Variants in SMARCC1 observed in about 807,000 individuals in gnomAD.
SMARCC1 encodes SWI/SNF related BAF chromatin remodeling complex subunit C1.
Under a neutral mutation model 147.4 loss-of-function variants are expected in SMARCC1, and 43 were observed. The observed-to-expected ratio is 0.29, with a 90% CI of 0.23 to 0.38. The LOEUF (loss-of-function observed/expected upper bound fraction) is 0.38. Ranked by LOEUF, SMARCC1 falls within the 10% of genes least tolerant of loss-of-function variation. The probability of loss-of-function intolerance (pLI) is 1.00; values close to 1 mark genes in which losing one functional copy is unlikely to be tolerated. For synonymous variants in SMARCC1, 495 were observed against 484.4 expected, an observed-to-expected ratio of 1.02 and a Z score of -0.29; for missense variants, 1,119 against 1,381.1, an observed-to-expected ratio of 0.81 and a Z score of 3.01.
intron 24 of SMARCC1, among the ~76,000 whole-genome samples, chr3:47,628,050 T>C (rs554495759): frequency 2.0e-5 from 3 of 149,682 alleles, no homozygotes; most frequent in Admixed American, 6.6e-5. Context: ...GTCTCCTATA[T>C]ATATATATAT....
chr3:47,737,898 G>A (rs1464400086), intron 4 of SMARCC1, 131 bp downstream of exon 4: 15 of 414,512 alleles, frequency 3.6e-5, no homozygotes, highest in East Asian at 9.9e-5. Flanking sequence ...TCCTGACCTC[G>A]TGATCCGCCT....
chr3:47,726,608 C>T (rs182352323), intron 6 of SMARCC1, among the ~76,000 whole-genome samples: 5 of 152,328 alleles, frequency 3.3e-5, no homozygotes, highest in Admixed American at 1.3e-4. Flanking sequence ...TAAAACCCTA[C>T]ACCCAATGAA....
chr3:47,716,278 C>T (rs928183129), intron 7 of SMARCC1, among the ~76,000 whole-genome samples: 2 of 151,398 alleles, frequency 1.3e-5, no homozygotes, highest in African/African-American at 2.4e-5. Context: ...ATTAGCGGGG[C>T]GTTGTAGTGT....
chr3:47,724,517 C>T (rs1288451012), intron 6 of SMARCC1, among the ~76,000 whole-genome samples: 1 of 152,168 alleles, frequency 6.6e-6, no homozygotes, highest in Non-Finnish European at 1.5e-5. Flanking sequence ...CCAAGGATGG[C>T]TTTGAATGTA....
intron 18 of SMARCC1, among the ~76,000 whole-genome samples, chr3:47,673,641 A>G (rs895783532): frequency 1.3e-5 from 2 of 152,214 alleles, no homozygotes; most frequent in Non-Finnish European, 2.9e-5. Flanking sequence ...GTGAGCCAAC[A>G]TCGCGCCACT....
At chr3:47,737,563 C>A (rs1253779582) in intron 4 of SMARCC1, among the ~76,000 whole-genome samples, 1 of 151,978 alleles carries the variant, frequency 6.6e-6, no homozygotes, top group Non-Finnish European at 1.5e-5. Context: ...AATAATAAAA[C>A]AATACCTTTC....
At chr3:47,750,090 A>AG (rs1314816321) in intron 2 of SMARCC1, among the ~76,000 whole-genome samples, 1 of 99,564 alleles carries the variant, frequency 1.0e-5, no homozygotes, top group Non-Finnish European at 2.4e-5. Flanking sequence ...TCAAAAAAAA[A>AG]AAAAAGAAAA....
intron 2 of SMARCC1, among the ~76,000 whole-genome samples, chr3:47,759,956 A>G (rs2034755032): frequency 6.6e-6 from 1 of 151,838 alleles, no homozygotes; most frequent in Admixed American, 6.6e-5. Context: ...AAAGAAAAAG[A>G]AAAAATGTAT....
intron 27 of SMARCC1, 51 bp from the exon 28 acceptor site, chr3:47,588,357 C>T (rs1295381369): frequency 6.5e-7 from 1 of 1,530,058 alleles, no homozygotes; most frequent in Non-Finnish European, 9.0e-7. Flanking sequence ...ACAAGAGACT[C>T]AGGAAAGAGC....
At chr3:47,704,625 G>T (rs1260000366) in intron 10 of SMARCC1, among the ~76,000 whole-genome samples, 2 of 152,086 alleles carry the variant, frequency 1.3e-5, no homozygotes, top group African/African-American at 4.8e-5. Flanking sequence ...GATTAGAAAT[G>T]TAAGAAACAG....
At chr3:47,737,206 A>C (rs1360584914) in intron 4 of SMARCC1, among the ~76,000 whole-genome samples, 1 of 152,160 alleles carries the variant, frequency 6.6e-6, no homozygotes, top group African/African-American at 2.4e-5. Context: ...AGCCTGGCTA[A>C]CATGGCAAAA....
At chr3:47,740,829 C>T (rs7645846) in intron 3 of SMARCC1, among the ~76,000 whole-genome samples, 87,577 of 144,808 alleles carry the variant, frequency 0.6, 27,553 homozygotes, top group East Asian at 0.72. Context: ...CCAGCCTGGG[C>T]GACAGAGGGA....
chr3:47,631,677 T>C lies in SMARCC1; in HGVS notation c.2646+3513A>G, dbSNP rs188092651. ...GCCATAAAGCATGCCACCTCATCTG[T>C]TTAGGAGATAGACCTAGAACCTCTA... On this transcript the variant is annotated intron_variant, in intron 24 of 27. Transcript: ENST00000254480. Among the ~76,000 whole-genome samples the C allele has an allele frequency of 1.8e-3, 275 of 152,276 alleles. 4 individuals carry two copies. Among genetic ancestry groups the C allele is most frequent in the Admixed American group, 0.013 (202 of 15,282 alleles).
intron 21 of SMARCC1, among the ~76,000 whole-genome samples, chr3:47,652,118 C>T (rs1034461326): frequency 6.6e-6 from 1 of 152,190 alleles, no homozygotes; most frequent in Non-Finnish European, 1.5e-5. Flanking sequence ...TACAGGTTTG[C>T]ACCACCATGC....
chr3:47,647,274 T>C (rs949588768), intron 21 of SMARCC1, among the ~76,000 whole-genome samples: 5 of 152,238 alleles, frequency 3.3e-5, no homozygotes, highest in Non-Finnish European at 1.5e-5. Context: ...GAAACCATAA[T>C]CTGAATATCC....
chr3:47,609,023 C>T (rs2032524325), intron 26 of SMARCC1, among the ~76,000 whole-genome samples: 1 of 151,886 alleles, frequency 6.6e-6, no homozygotes, highest in Non-Finnish European at 1.5e-5. Context: ...TTCTTCAACA[C>T]ATAAATGGCA....
intron 14 of SMARCC1, among the ~76,000 whole-genome samples, chr3:47,684,480 G>C (rs2033696526): frequency 3.3e-5 from 5 of 149,360 alleles, no homozygotes. Context: ...TGCTCTTGTA[G>C]CCCAGGCTGG....
intron 2 of SMARCC1, among the ~76,000 whole-genome samples, chr3:47,769,787 T>C (rs1354297909): frequency 6.6e-6 from 1 of 152,212 alleles, no homozygotes; most frequent in Non-Finnish European, 1.5e-5. Flanking sequence ...TTTGCTGAGC[T>C]GCAATCAGTG....
intron 10 of SMARCC1, among the ~76,000 whole-genome samples, chr3:47,705,151 G>A (rs1056479442): frequency 1.3e-5 from 2 of 151,376 alleles, no homozygotes; most frequent in Non-Finnish European, 1.5e-5. Context: ...GTGAAACCCC[G>A]TCTCTACTAA....
Sources: gnomAD v4.1 joint callset for allele counts (sites outside exome capture counted in the v4.1 genomes callset) on GRCh38, gnomAD v4.1.1 for gene constraint, MANE v1.5 for transcripts, NCBI Gene and HGNC (gene_info 2026-07-23, HGNC 2026-07-21) for gene names.